The following CNTN4 variants were observed in gnomAD, a reference collection of about 807,000 sequenced individuals.
CNTN4 encodes the protein contactin 4, also known as contactin-4.
CNTN4 carries 77 observed loss-of-function variants against 122.5 expected under a neutral mutation model. The observed-to-expected ratio is 0.63, with a 90% CI of 0.52 to 0.76. CNTN4 has a LOEUF of 0.76. Among genes scored for constraint, CNTN4 ranks in the 30% least tolerant of loss-of-function variants. The pLI, the probability that CNTN4 is intolerant of heterozygous loss-of-function variation, is 0.00. For missense variants in CNTN4, 1,256 were observed against 1,259.1 expected, an observed-to-expected ratio of 1.00 and a Z score of 0.04; for synonymous variants, 512 against 447.0, an observed-to-expected ratio of 1.15 and a Z score of -1.83.
intron 7 of CNTN4, among the ~76,000 whole-genome samples, chr3:2,860,394 C>G (rs979706359): frequency 1.3e-5 from 2 of 152,124 alleles, no homozygotes; most frequent in Non-Finnish European, 1.5e-5. Flanking sequence ...CTACTCAGCA[C>G]TAATAAAAAA....
chr3:2,522,223 C>A (rs184109572), intron 3 of CNTN4, among the ~76,000 whole-genome samples: 1 of 149,824 alleles, frequency 6.7e-6, no homozygotes, highest in Non-Finnish European at 1.5e-5. Context: ...TACATTACTA[C>A]CAGTACAATA....
chr3:2,328,179 G>A (rs1386954145), intron 2 of CNTN4, among the ~76,000 whole-genome samples: 18 of 152,294 alleles, frequency 1.2e-4, no homozygotes, highest in African/African-American at 4.1e-4. Context: ...GCCGAGGCGG[G>A]CGGATCACGG....
At chr3:2,297,533 C>G (rs191752900) in intron 2 of CNTN4, among the ~76,000 whole-genome samples, 1 of 152,136 alleles carries the variant, frequency 6.6e-6, no homozygotes, top group South Asian at 2.1e-4. Flanking sequence ...TCCCATACAT[C>G]GTCTGTCTGA....
rs565552281 is a variant in CNTN4 at position 2,383,678 on chromosome 3, T to C, written c.-89+44445T>C. 3.4e-5 allele frequency among the ~76,000 whole-genome samples: 5 copies of C among 145,998 alleles called. No individual in the cohort carries two copies. In the South Asian group the frequency reaches 1.2e-3, roughly 34 times the overall value. Reference sequence around the variant, plus strand: ...CTTCCCCCATTTCCCTTTGCCTCCCTTCCTCTCCCTATCCTTCCCTTTCTT... The same window carrying C: ...CTTCCCCCATTTCCCTTTGCCTCCCCTCCTCTCCCTATCCTTCCCTTTCTT... On this transcript the variant is annotated intron_variant, in intron 3 of 24. Transcript: ENST00000418658.
At chr3:2,124,757 A>G (rs2034032422) in intron 2 of CNTN4, among the ~76,000 whole-genome samples, 1 of 152,158 alleles carries the variant, frequency 6.6e-6, no homozygotes, top group Admixed American at 6.5e-5. Flanking sequence ...TGGAAGAGAG[A>G]GTGAAAAACA....
Position 2,663,616 on chromosome 3 carries a change from G to C in CNTN4, c.56-72599G>C, listed in dbSNP as rs987304996. Among the ~76,000 whole-genome samples, 7 of 152,274 alleles carry C rather than the reference G, an allele frequency of 4.6e-5. 1 individual carries two copies. Among genetic ancestry groups the C allele is most frequent in the East Asian group, 3.9e-4 (2 of 5,182 alleles). On this transcript the variant is annotated intron_variant, in intron 4 of 24. Coordinates refer to ENST00000418658, the MANE Select transcript of CNTN4 (RefSeq NM_175607.3). Reference sequence around the variant, plus strand: ...AGGAGAAAGAAAATCGAGGCATGCAGAGAGCTTAGAACAAAACCACACACC... The same window carrying C: ...AGGAGAAAGAAAATCGAGGCATGCACAGAGCTTAGAACAAAACCACACACC...
chr3:2,920,029 A>G (rs1392706508), intron 12 of CNTN4, among the ~76,000 whole-genome samples: 1 of 152,116 alleles, frequency 6.6e-6, no homozygotes, highest in Non-Finnish European at 1.5e-5. Flanking sequence ...GCAGAGAAAG[A>G]TGAGAGATCT....
At chr3:2,407,042 T>C (rs1414380588) in intron 3 of CNTN4, among the ~76,000 whole-genome samples, 1 of 152,178 alleles carries the variant, frequency 6.6e-6, no homozygotes, top group Non-Finnish European at 1.5e-5. Context: ...GAAGCAGATA[T>C]TAAAATTAAG....
At chr3:2,910,698 G>A (rs1499132) in intron 12 of CNTN4, among the ~76,000 whole-genome samples, 72,613 of 150,716 alleles carry the variant, frequency 0.48, 18,237 homozygotes, top group East Asian at 0.69. Flanking sequence ...ATTTGTGAAT[G>A]AATAAATAAA....
chr3:2,843,798 T>G (rs1399779663), intron 7 of CNTN4, among the ~76,000 whole-genome samples: 1 of 152,138 alleles, frequency 6.6e-6, no homozygotes, highest in African/African-American at 2.4e-5. Context: ...ATGAGCCAAT[T>G]AAGCTAATTT....
At chr3:2,646,971 G>T (rs976949984) in intron 4 of CNTN4, among the ~76,000 whole-genome samples, 9 of 152,272 alleles carry the variant, frequency 5.9e-5, no homozygotes, top group African/African-American at 2.2e-4. Flanking sequence ...GAAATTTGGG[G>T]AAACATAATT....
At position 2,685,874 on chromosome 3, in the gene CNTN4, C is replaced by T. The variant is rs535705784; in HGVS notation, c.56-50341C>T. ...GCCATTATGTTTCTATTCCAATTTCCAGTTTCAGTTAGCAACATTATACTC... is the reference window on the plus strand; with the variant it reads ...GCCATTATGTTTCTATTCCAATTTCTAGTTTCAGTTAGCAACATTATACTC... On this transcript the variant is annotated intron_variant, in intron 4 of 24. Transcript: ENST00000418658. Among the ~76,000 whole-genome samples, 42 of 152,168 alleles carry T rather than the reference C, an allele frequency of 2.8e-4. 1 individual carries two copies. In the South Asian group the frequency reaches 8.1e-3, roughly 29 times the overall value.
At chr3:2,724,504 T>C (rs1300322960) in intron 4 of CNTN4, among the ~76,000 whole-genome samples, 1 of 152,238 alleles carries the variant, frequency 6.6e-6, no homozygotes, top group African/African-American at 2.4e-5. Context: ...CAAGTTTTGC[T>C]TGAGTAGCTT....
At chr3:2,510,460 C>A (rs1375014097) in intron 3 of CNTN4, among the ~76,000 whole-genome samples, 1 of 151,130 alleles carries the variant, frequency 6.6e-6, no homozygotes, top group Non-Finnish European at 1.5e-5. Flanking sequence ...GTTCTCCCTT[C>A]TTTATCATAC....
At chr3:2,493,500 G>A (rs2076372266) in intron 3 of CNTN4, among the ~76,000 whole-genome samples, 1 of 149,842 alleles carries the variant, frequency 6.7e-6, no homozygotes, top group African/African-American at 2.5e-5. Context: ...GATCTAGTTG[G>A]TGTCTTCTCA....
chr3:2,340,710 T>TATATAGAGAGAGAGAGAGAGAGAGAGAG, intron 3 of CNTN4, among the ~76,000 whole-genome samples: 1 of 18,304 alleles, frequency 5.5e-5, no homozygotes, highest in African/African-American at 1.0e-4. Flanking sequence ...TATATATATA[T>TATATAGAGAGAGAGAGAGAGAGAGAGAG]AGAGAGAGAG....
intron 6 of CNTN4, among the ~76,000 whole-genome samples, chr3:2,757,568 A>T (rs1204977902): frequency 6.6e-6 from 1 of 152,188 alleles, no homozygotes; most frequent in East Asian, 1.9e-4. Flanking sequence ...AGCCCCAGAA[A>T]GTCCCTGTGC....
chr3:2,901,924 G>C lies in CNTN4; in HGVS notation c.1078-952G>C, dbSNP rs948770844. On this transcript the variant is annotated intron_variant, in intron 11 of 24. Coordinates refer to ENST00000418658, the MANE Select transcript of CNTN4 (RefSeq NM_175607.3). ...TAGTGAATTTGAGTCCCTTGCTTGA[G>C]GATCAGCCTCCTGAGGAGTGAACTC... 9.2e-5 allele frequency among the ~76,000 whole-genome samples: 14 copies of C among 152,282 alleles called. No homozygotes were observed. The East Asian group carries it at 2.5e-3, about 27-fold the overall frequency.
chr3:2,636,320 C>A (rs538853164), intron 4 of CNTN4, among the ~76,000 whole-genome samples: 7 of 152,278 alleles, frequency 4.6e-5, no homozygotes, highest in African/African-American at 1.7e-4. Context: ...TCTTCTTTGG[C>A]CCCTCTGTTA....
Sources: gnomAD v4.1 joint callset for allele counts (sites outside exome capture counted in the v4.1 genomes callset) on GRCh38, gnomAD v4.1.1 for gene constraint, MANE v1.5 for transcripts, NCBI Gene and HGNC (gene_info 2026-07-23, HGNC 2026-07-21) for gene names.